The following MBOAT2 variants were observed in gnomAD, a reference collection of about 807,000 sequenced individuals.
The protein encoded by MBOAT2 is membrane bound glycerophospholipid O-acyltransferase 2.
A neutral mutation model predicts 63.4 loss-of-function variants in MBOAT2; 28 were observed. The ratio of observed to expected loss-of-function variants is 0.44; its 90% CI spans 0.33 to 0.61. The LOEUF (loss-of-function observed/expected upper bound fraction) is 0.61. MBOAT2 is among the 20% of genes least tolerant of loss of function. The pLI, the probability that MBOAT2 is intolerant of heterozygous loss-of-function variation, is 0.03. For synonymous variants in MBOAT2, 211 were observed against 215.6 expected, an observed-to-expected ratio of 0.98 and a Z score of 0.19; for missense variants, 470 against 605.8, an observed-to-expected ratio of 0.78 and a Z score of 2.35.
intron 5 of MBOAT2, 71 bp downstream of exon 5, chr2:8,887,947 G>T: frequency 2.9e-6 from 4 of 1,361,916 alleles, no homozygotes; most frequent in Non-Finnish European, 4.2e-6. Context: ...GAAAGTTATG[G>T]CAATATCTCA....
chr2:8,942,636 G>C (rs78650568), intron 3 of MBOAT2, among the ~76,000 whole-genome samples: 330 of 152,230 alleles, frequency 2.2e-3, no homozygotes, highest in African/African-American at 7.5e-3. Flanking sequence ...CCTTCTACAT[G>C]CTCCCCACTT....
intron 1 of MBOAT2, among the ~76,000 whole-genome samples, chr2:8,977,093 G>A (rs1473344804): frequency 6.6e-6 from 1 of 152,152 alleles, no homozygotes; most frequent in Non-Finnish European, 1.5e-5. Context: ...CTGTTGGGGT[G>A]TCAGATATGT....
intron 1 of MBOAT2, among the ~76,000 whole-genome samples, chr2:8,999,088 T>C (rs977488437): frequency 2.0e-5 from 3 of 152,202 alleles, no homozygotes; most frequent in African/African-American, 7.2e-5. Context: ...CCATTCCTCC[T>C]TCCCCTTCCC....
chr2:8,884,517 T>C (rs1015459960), intron 5 of MBOAT2, among the ~76,000 whole-genome samples: 1 of 149,332 alleles, frequency 6.7e-6, no homozygotes, highest in Non-Finnish European at 1.5e-5. Flanking sequence ...TCTTTAGAAA[T>C]GAGGATAAGT....
chr2:8,906,859 A>G (rs1472712323), intron 4 of MBOAT2, among the ~76,000 whole-genome samples: 2 of 152,212 alleles, frequency 1.3e-5, no homozygotes, highest in East Asian at 1.9e-4. Context: ...GAGCAACAAA[A>G]TATTTTTTAA....
intron 4 of MBOAT2, among the ~76,000 whole-genome samples, chr2:8,905,110 A>G (rs1437293067): frequency 4.6e-5 from 7 of 152,168 alleles, no homozygotes; most frequent in Admixed American, 2.6e-4. Flanking sequence ...TGCTTCTTGC[A>G]CTTTCTAGCA....
intron 4 of MBOAT2, among the ~76,000 whole-genome samples, chr2:8,905,417 C>CTA (rs1436675637): frequency 6.6e-6 from 1 of 152,154 alleles, no homozygotes; most frequent in Non-Finnish European, 1.5e-5. Flanking sequence ...ATTCGACTAT[C>CTA]TAATCTTTAT....
At chr2:8,897,363 G>C (rs1664566488) in intron 4 of MBOAT2, among the ~76,000 whole-genome samples, 1 of 151,502 alleles carries the variant, frequency 6.6e-6, no homozygotes, top group Non-Finnish European at 1.5e-5. Context: ...AGCAGTGTAA[G>C]ACTGCCACCT....
intron 1 of MBOAT2, among the ~76,000 whole-genome samples, chr2:8,962,294 C>T (rs1669666616): frequency 6.6e-6 from 1 of 152,042 alleles, no homozygotes; most frequent in Non-Finnish European, 1.5e-5. Context: ...CATTATACTG[C>T]CTACCACATT....
chr2:8,995,873 G>C (rs539646047), intron 1 of MBOAT2, among the ~76,000 whole-genome samples: 1 of 152,168 alleles, frequency 6.6e-6, no homozygotes, highest in African/African-American at 2.4e-5. Flanking sequence ...TTACAGGCGT[G>C]AGCCATCGCG....
At chr2:8,868,182 T>G (rs1158940521) in intron 9 of MBOAT2, among the ~76,000 whole-genome samples, 3 of 152,154 alleles carry the variant, frequency 2.0e-5, no homozygotes, top group African/African-American at 4.8e-5. Context: ...GCCTTACCCC[T>G]CTCTGATCAC....
chr2:8,957,148 T>G (rs1168116370), intron 2 of MBOAT2, among the ~76,000 whole-genome samples: 1 of 152,236 alleles, frequency 6.6e-6, no homozygotes, highest in South Asian at 2.1e-4. Context: ...GGTGGAATTT[T>G]AATAATCTGA....
chr2:8,900,551 A>G (rs1351619446), intron 4 of MBOAT2, among the ~76,000 whole-genome samples: 1 of 152,148 alleles, frequency 6.6e-6, no homozygotes, highest in African/African-American at 2.4e-5. Context: ...AGCTTGAAGG[A>G]GACATATCCA....
chr2:8,942,839 G>A (rs113375653), intron 3 of MBOAT2, among the ~76,000 whole-genome samples: 2 of 152,192 alleles, frequency 1.3e-5, no homozygotes, highest in African/African-American at 4.8e-5. Context: ...AGGCAATTTC[G>A]CTTCTCCAAG....
chr2:8,996,310 GAAGA>G, intron 1 of MBOAT2, among the ~76,000 whole-genome samples: 1 of 152,306 alleles, frequency 6.6e-6, no homozygotes, highest in South Asian at 2.1e-4. Context: ...GTATGACTGA[GAAGA>G]AAGAGACAAA....
chr2:8,881,419 T>C (rs556775591), intron 6 of MBOAT2, among the ~76,000 whole-genome samples: 5 of 152,270 alleles, frequency 3.3e-5, no homozygotes, highest in African/African-American at 1.2e-4. Context: ...CTGGCGATAC[T>C]AAGGATCCTA....
intron 3 of MBOAT2, among the ~76,000 whole-genome samples, chr2:8,915,510 G>T (rs554920273): frequency 6.6e-6 from 1 of 152,198 alleles, no homozygotes; most frequent in South Asian, 2.1e-4. Context: ...ACTTGAGAAA[G>T]AATTCTAGGT....
At chr2:8,910,761 T>A (rs1173794784) in intron 3 of MBOAT2, among the ~76,000 whole-genome samples, 1 of 152,196 alleles carries the variant, frequency 6.6e-6, no homozygotes, top group East Asian at 1.9e-4. Flanking sequence ...TACAATTAGA[T>A]ACACAGGAAG....
At chr2:8,928,658 A>G (rs1233551479) in intron 3 of MBOAT2, among the ~76,000 whole-genome samples, 2 of 152,080 alleles carry the variant, frequency 1.3e-5, no homozygotes, top group African/African-American at 4.8e-5. Flanking sequence ...TATGAAAAAT[A>G]TATTTCCAAA....
Sources: gnomAD v4.1 joint callset for allele counts (sites outside exome capture counted in the v4.1 genomes callset) on GRCh38, gnomAD v4.1.1 for gene constraint, MANE v1.5 for transcripts, NCBI Gene and HGNC (gene_info 2026-07-23, HGNC 2026-07-21) for gene names.